CLRN3: variants seen among roughly 807,000 people sequenced by gnomAD.
The protein encoded by CLRN3 is clarin 3.
In CLRN3, 12 loss-of-function variants were observed where a neutral mutation model predicts 16.7. The ratio of observed to expected loss-of-function variants is 0.72; its 90% CI spans 0.46 to 1.16. CLRN3 has a LOEUF of 1.16. Among genes scored for constraint, CLRN3 ranks in the 50% most tolerant of loss-of-function variants. CLRN3 has a pLI of 0.00. For synonymous variants in CLRN3, 118 were observed against 113.0 expected, an observed-to-expected ratio of 1.04 and a Z score of -0.28; for missense variants, 296 against 274.2, an observed-to-expected ratio of 1.08 and a Z score of -0.56.
chr10:127,889,007 A>G (rs1362567392), intron 1 of CLRN3, among the ~76,000 whole-genome samples: 1 of 152,178 alleles, frequency 6.6e-6, no homozygotes, highest in Non-Finnish European at 1.5e-5. Flanking sequence ...AGGTGAGTCT[A>G]CCTTCCGCTG....
chr10:127,888,250 C>T (rs984691056), intron 1 of CLRN3, among the ~76,000 whole-genome samples: 33 of 152,316 alleles, frequency 2.2e-4, no homozygotes, highest in African/African-American at 6.5e-4. Flanking sequence ...CAAGTGTGGC[C>T]TGGTAGCTCT....
chr10:127,878,242 G>A lies in CLRN3; in HGVS notation c.588C>T (p.Thr196=), dbSNP rs144081279. 638 of 1,614,190 alleles carry A rather than the reference G, an allele frequency of 4.0e-4. 4 individuals are homozygous for A. In the Middle Eastern group the frequency reaches 0.01, roughly 26 times the overall value. ...TGGCCTTCTGGTAGAAAATGATGATGGTTACAGTGACTATATTTAGAAGAA... is the reference window on the plus strand; with the variant it reads ...TGGCCTTCTGGTAGAAAATGATGATAGTTACAGTGACTATATTTAGAAGAA... ...LVILLNIVTV[T]IIIFYQKARY... Residue 196 remains threonine (T), a synonymous_variant, in exon 3 of 3, where the codon ACC becomes ACT. Coordinates refer to ENST00000368671, the MANE Select transcript of CLRN3 (RefSeq NM_152311.5).
chr10:127,883,270 A>ATG (rs5788877), intron 2 of CLRN3, among the ~76,000 whole-genome samples: 6,042 of 151,238 alleles, frequency 0.04, 353 homozygotes, highest in East Asian at 0.12. Flanking sequence ...TGGTGTGTTC[A>ATG]TGTGTGTGTG....
At chr10:127,885,198 C>A (rs1468495906) in intron 1 of CLRN3, among the ~76,000 whole-genome samples, 1 of 152,156 alleles carries the variant, frequency 6.6e-6, no homozygotes, top group Non-Finnish European at 1.5e-5. Flanking sequence ...CCTAATGGAA[C>A]CAGAGTGTTT....
At position 127,883,887 on chromosome 10, in the gene CLRN3, T is replaced by C; in HGVS notation, c.230-12A>G. 2 of 1,613,280 alleles carry C rather than the reference T, an allele frequency of 1.2e-6. No individual in the cohort carries two copies. Among genetic ancestry groups the C allele is most frequent in the African/African-American group, 1.3e-5 (1 of 75,004 alleles). On this transcript the variant is annotated splice_polypyrimidine_tract_variant and intron_variant, in intron 1 of 2. Coordinates refer to ENST00000368671, the MANE Select transcript of CLRN3 (RefSeq NM_152311.5). ...CAGTATCTCTAAAACTAAAACAATG[T>C]TTTGTGAGTGCATAGCACATAATGC...
chr10:127,878,945 G>A (rs1201980202), intron 2 of CLRN3, among the ~76,000 whole-genome samples: 1 of 152,148 alleles, frequency 6.6e-6, no homozygotes, highest in Non-Finnish European at 1.5e-5. Flanking sequence ...GCTGCCCTGA[G>A]AGCCACAAAT....
At chr10:127,890,777 C>T (rs1279193344) in intron 1 of CLRN3, among the ~76,000 whole-genome samples, 2 of 151,734 alleles carry the variant, frequency 1.3e-5, no homozygotes, top group African/African-American at 4.9e-5. Flanking sequence ...ATCCCGGGAT[C>T]GTTAGCAGCT....
Position 127,883,832 on chromosome 10 carries a change from C to T in CLRN3, c.273G>A (p.Ser91=), listed in dbSNP as rs777602428. The change falls in exon 2 of 3, where the codon TCG becomes TCA. Residue 91 remains serine, a synonymous_variant. Transcript: ENST00000368671. ...TCAGGACCAGGAACAGGATAGTCACCGAATGCAGAGTTTTTTGGGAAGAAT... is the reference window on the plus strand; with the variant it reads ...TCAGGACCAGGAACAGGATAGTCACTGAATGCAGAGTTTTTTGGGAAGAAT... ...LNNSSQKTLH[S]VTILFLVLSL... 1.3e-5 allele frequency: 21 copies of T among 1,613,974 alleles called. No homozygotes were observed. The East Asian group carries it at 2.5e-4, about 19-fold the overall frequency.
intron 1 of CLRN3, among the ~76,000 whole-genome samples, chr10:127,889,412 T>G (rs1819136406): frequency 6.6e-6 from 1 of 152,132 alleles, no homozygotes; most frequent in Admixed American, 6.5e-5. Context: ...TCACTTGAGG[T>G]CAGGAGTTTG....
intron 1 of CLRN3, among the ~76,000 whole-genome samples, chr10:127,886,215 C>A (rs1845192180): frequency 6.6e-6 from 1 of 152,236 alleles, no homozygotes; most frequent in Non-Finnish European, 1.5e-5. Flanking sequence ...TGAGACCCGA[C>A]AATCCCCTTG....
intron 1 of CLRN3, among the ~76,000 whole-genome samples, chr10:127,892,346 T>C (rs1845266687): frequency 6.6e-6 from 1 of 152,190 alleles, no homozygotes; most frequent in Non-Finnish European, 1.5e-5. Flanking sequence ...TAGAATGATA[T>C]AGACTATTGT....
chr10:127,883,929 C>T (rs1194451979), intron 1 of CLRN3, 54 bp from the exon 2 acceptor site: 2 of 1,527,568 alleles, frequency 1.3e-6, no homozygotes, highest in South Asian at 1.1e-5. Flanking sequence ...CAGCTCTGGC[C>T]TGGCATTCCT....
At chr10:127,881,989 A>C (rs530283911) in intron 2 of CLRN3, among the ~76,000 whole-genome samples, 11 of 152,162 alleles carry the variant, frequency 7.2e-5, no homozygotes, top group Non-Finnish European at 1.5e-4. Context: ...AAAATAATCT[A>C]TCTCTTTACC....
At chr10:127,882,014 C>G (rs1022733621) in intron 2 of CLRN3, among the ~76,000 whole-genome samples, 1 of 152,130 alleles carries the variant, frequency 6.6e-6, no homozygotes, top group Non-Finnish European at 1.5e-5. Context: ...CCATAAGTAC[C>G]AATTGGTTTA....
chr10:127,887,132 T>A (rs954022152), intron 1 of CLRN3, among the ~76,000 whole-genome samples: 1 of 151,876 alleles, frequency 6.6e-6, no homozygotes, highest in African/African-American at 2.4e-5. Context: ...GTTTTGAAAG[T>A]AATAGAGGGG....
intron 1 of CLRN3, among the ~76,000 whole-genome samples, chr10:127,888,160 G>A (rs985988379): frequency 6.6e-6 from 1 of 152,244 alleles, no homozygotes; most frequent in Admixed American, 6.5e-5. Flanking sequence ...GACTCCCTCC[G>A]TAAGCACCTG....
At chr10:127,881,003 A>C (rs900117014) in intron 2 of CLRN3, among the ~76,000 whole-genome samples, 3 of 152,110 alleles carry the variant, frequency 2.0e-5, no homozygotes, top group African/African-American at 4.8e-5. Context: ...CTGTGAGAAA[A>C]TCAGGAACCC....
chr10:127,888,752 T>C (rs1162279433), intron 1 of CLRN3, among the ~76,000 whole-genome samples: 1 of 151,978 alleles, frequency 6.6e-6, no homozygotes, highest in Admixed American at 6.6e-5. Flanking sequence ...CTTTGCAAGG[T>C]TGTCCAGAGC....
At chr10:127,879,560 A>G (rs1366961587) in intron 2 of CLRN3, among the ~76,000 whole-genome samples, 1 of 124,452 alleles carries the variant, frequency 8.0e-6, no homozygotes, top group Non-Finnish European at 1.7e-5. Context: ...GGAATGAGAT[A>G]GAGACAAAAA....
Sources: gnomAD v4.1 joint callset for allele counts (sites outside exome capture counted in the v4.1 genomes callset) on GRCh38, gnomAD v4.1.1 for gene constraint, MANE v1.5 for transcripts, NCBI Gene and HGNC (gene_info 2026-07-23, HGNC 2026-07-21) for gene names.